Variants in FNDC3B observed in about 807,000 individuals in gnomAD.
FNDC3B encodes the protein fibronectin type III domain containing 3B.
A neutral mutation model predicts 151.5 loss-of-function variants in FNDC3B; 12 were observed. That is an observed-to-expected ratio of 0.08 (90% CI 0.05 to 0.13). The LOEUF is 0.13. Among genes scored for constraint, FNDC3B ranks in the 10% least tolerant of loss-of-function variants. The pLI is 1.00. For synonymous variants in FNDC3B, 528 were observed against 549.0 expected (o/e 0.96, Z 0.54); for missense variants, 1,214 against 1,505.3 (o/e 0.81, Z 3.20).
Position 172,333,195 on chromosome 3 carries a change from A to C in FNDC3B, c.1641+20A>C. The C allele has an allele frequency of 7.1e-7, 1 of 1,410,846 alleles. No individual in the cohort carries two copies. The highest frequency in any genetic ancestry group is 1.0e-6 in the Non-Finnish European group (1 of 995,248). 87.4% of individuals were successfully genotyped at this position (1,410,846 alleles called of 1,614,324 possible). A position where few individuals can be genotyped will look rare whatever the true frequency, so the allele number is the denominator to read the frequency against. Reference sequence around the variant, plus strand: ...TTCAGGGTGAGTCAGTCATTTTGCTACCTGAACTGCTTAAAAATGAAACTG... The same window carrying C: ...TTCAGGGTGAGTCAGTCATTTTGCTCCCTGAACTGCTTAAAAATGAAACTG... On this transcript the variant is annotated intron_variant, in intron 14 of 25. Transcript: ENST00000415807.
At chr3:172,205,804 G>C (rs148961221) in intron 3 of FNDC3B, among the ~76,000 whole-genome samples, 1 of 152,110 alleles carries the variant, frequency 6.6e-6, no homozygotes, top group Non-Finnish European at 1.5e-5. Context: ...CTTTGTTTTT[G>C]TCACAGAAAG....
At position 172,122,965 on chromosome 3, in the gene FNDC3B, C is replaced by T. The variant is rs1431317924; in HGVS notation, c.111+10375C>T. Among the ~76,000 whole-genome samples, 3 of 152,286 alleles carry T rather than the reference C, an allele frequency of 2.0e-5. No individual in the cohort carries two copies. The East Asian group carries it at 5.8e-4, about 29-fold the overall frequency. Reference sequence around the variant, plus strand: ...AAAATGCAAATCAGTTCTTGTTAGCCACACCTTAGATTTGAAGGGACATGG... The same window carrying T: ...AAAATGCAAATCAGTTCTTGTTAGCTACACCTTAGATTTGAAGGGACATGG... On this transcript the variant is annotated intron_variant, in intron 2 of 25. Transcript: ENST00000415807.
intron 6 of FNDC3B, among the ~76,000 whole-genome samples, chr3:172,281,215 A>ATTTATTTATT (rs144555553): frequency 1.1e-4 from 15 of 132,466 alleles, no homozygotes; most frequent in African/African-American, 3.7e-4. Context: ...ATTATTATTT[A>ATTTATTTATT]TATTTATTTA....
At chr3:172,290,608 G>A (rs1379181998) in intron 7 of FNDC3B, among the ~76,000 whole-genome samples, 4 of 152,172 alleles carry the variant, frequency 2.6e-5, no homozygotes, top group Non-Finnish European at 4.4e-5. Context: ...ATCCGCGAAT[G>A]TTTAGCTTGT....
chr3:172,325,499 T>C (rs909768499), intron 11 of FNDC3B, among the ~76,000 whole-genome samples: 2 of 152,188 alleles, frequency 1.3e-5, no homozygotes, highest in African/African-American at 4.8e-5. Context: ...AAGCATTAGC[T>C]CTTTTCTTTT....
intron 11 of FNDC3B, among the ~76,000 whole-genome samples, chr3:172,324,450 C>T (rs1732241829): frequency 6.6e-6 from 1 of 152,174 alleles, no homozygotes; most frequent in Non-Finnish European, 1.5e-5. Context: ...GAACACTCAG[C>T]TTGGGAAAGG....
At chr3:172,317,237 G>A in intron 11 of FNDC3B, 1 of 429,306 alleles carries the variant, frequency 2.3e-6, no homozygotes, top group Non-Finnish European at 4.6e-6. Flanking sequence ...AGGCTGGAGT[G>A]CAGTGGTGCG....
intron 3 of FNDC3B, among the ~76,000 whole-genome samples, chr3:172,140,549 A>G (rs1374312786): frequency 6.6e-6 from 1 of 152,242 alleles, no homozygotes; most frequent in Non-Finnish European, 1.5e-5. Context: ...AAACCCTTTT[A>G]CAGACAGCAG....
At chr3:172,062,194 T>C (rs1221315784) in intron 1 of FNDC3B, among the ~76,000 whole-genome samples, 1 of 152,104 alleles carries the variant, frequency 6.6e-6, no homozygotes, top group Non-Finnish European at 1.5e-5. Flanking sequence ...TCAGCCCCCT[T>C]GCAGGCTATA....
intron 1 of FNDC3B, among the ~76,000 whole-genome samples, chr3:172,042,349 G>A (rs986763315): frequency 2.0e-5 from 3 of 152,184 alleles, no homozygotes; most frequent in Admixed American, 6.5e-5. Flanking sequence ...TCACTCAGTA[G>A]GAGTTTGTGC....
At chr3:172,155,542 G>T (rs570274005) in intron 3 of FNDC3B, among the ~76,000 whole-genome samples, 1 of 152,342 alleles carries the variant, frequency 6.6e-6, no homozygotes, top group African/African-American at 2.4e-5. Context: ...AGGTGGACTT[G>T]TGATTACAAA....
At chr3:172,042,565 A>G (rs1041290050) in intron 1 of FNDC3B, among the ~76,000 whole-genome samples, 2 of 152,242 alleles carry the variant, frequency 1.3e-5, no homozygotes, top group Non-Finnish European at 2.9e-5. Context: ...ACTAAGCACT[A>G]ATTCCTGTGC....
chr3:172,372,289 G>A (rs1159419759), intron 23 of FNDC3B, among the ~76,000 whole-genome samples: 2 of 152,138 alleles, frequency 1.3e-5, no homozygotes, highest in African/African-American at 4.8e-5. Flanking sequence ...AGCTTCATGG[G>A]CACAGGCAGC....
At chr3:172,267,517 C>A (rs994617343) in intron 6 of FNDC3B, among the ~76,000 whole-genome samples, 1 of 152,110 alleles carries the variant, frequency 6.6e-6, no homozygotes, top group African/African-American at 2.4e-5. Context: ...AACAACTGTG[C>A]TGGAAATAGA....
rs1576934485 is a variant in FNDC3B at position 172,347,647 on chromosome 3, G to A, written c.2514+286G>A. Among the ~76,000 whole-genome samples, 6 of 152,302 alleles carry A rather than the reference G, an allele frequency of 3.9e-5. No individual in the cohort carries two copies. In the South Asian group the frequency reaches 1.2e-3, roughly 32 times the overall value. ...TCAGTTTGCTGAATAAATGACCCAA[G>A]TCCAAGGGAAAGATGACACAGCTCC... On this transcript the variant is annotated intron_variant, in intron 21 of 25. Coordinates refer to ENST00000415807, the MANE Select transcript of FNDC3B (RefSeq NM_022763.4).
At chr3:172,111,667 G>A (rs1270955035) in intron 1 of FNDC3B, among the ~76,000 whole-genome samples, 2 of 152,076 alleles carry the variant, frequency 1.3e-5, no homozygotes, top group Non-Finnish European at 2.9e-5. Flanking sequence ...TAGAGTGGAC[G>A]TGTTTAAGAA....
Position 172,397,324 on chromosome 3 carries a change from T to C in FNDC3B, c.3464T>C (p.Val1155Ala). Residue 1155 changes from valine (V) to alanine (A), a missense_variant, in exon 26 of 26, where the codon GTC becomes GCC. Around this residue, in one of 7 missense-constraint regions of FNDC3B, gnomAD observed 284 missense variants for 392.4 expected, o/e 0.72. Coordinates refer to ENST00000415807, the MANE Select transcript of FNDC3B (RefSeq NM_022763.4). The part of the protein sequence containing the change: ...SAAFVLQRSE[V>A]MLTGDMGSLD... ...GCTTTTGTATTACAACGAAGTGAGGTCATGCTTACAGGGGACATGGGGAGC... is the reference window on the plus strand; with the variant it reads ...GCTTTTGTATTACAACGAAGTGAGGCCATGCTTACAGGGGACATGGGGAGC... The C allele has an allele frequency of 6.2e-7, 1 of 1,614,096 alleles. No individual in the cohort carries two copies. The highest frequency in any genetic ancestry group is 8.5e-7 in the Non-Finnish European group (1 of 1,180,008).
intron 1 of FNDC3B, among the ~76,000 whole-genome samples, chr3:172,071,803 A>G (rs1332865813): frequency 6.6e-6 from 1 of 152,166 alleles, no homozygotes; most frequent in African/African-American, 2.4e-5. Context: ...GACAGTGAAA[A>G]TTAACATAGC....
intron 1 of FNDC3B, among the ~76,000 whole-genome samples, chr3:172,073,142 C>A (rs1560394441): frequency 1.3e-5 from 2 of 152,264 alleles, no homozygotes; most frequent in East Asian, 3.9e-4. Context: ...TGGGATTGAA[C>A]TGTTATTGTT....
Sources: allele counts gnomAD v4.1 joint callset (sites outside exome capture counted in the v4.1 genomes callset), GRCh38; gene constraint gnomAD v4.1.1; regional missense constraint gnomAD v4.1.1; transcripts MANE v1.5; gene names NCBI Gene and HGNC (gene_info 2026-07-23, HGNC 2026-07-21).